Variants in LOC128462377 observed in about 807,000 individuals in gnomAD.
At chr16:89,388,592 G>T in the LOC128462377 span, among the ~76,000 whole-genome samples, 1 of 152,182 alleles carries the variant, frequency 6.6e-6, no homozygotes, top group Non-Finnish European at 1.5e-5. Flanking sequence ...CTGGGAATAA[G>T]GATCACTGGA....
At chr16:89,330,636 A>G in the LOC128462377 span, among the ~76,000 whole-genome samples, 2 of 102,676 alleles carry the variant, frequency 1.9e-5, no homozygotes, top group Admixed American at 2.8e-4. Flanking sequence ...ACACGGCAGT[A>G]GGTTTCCCCA....
the LOC128462377 span, among the ~76,000 whole-genome samples, chr16:89,378,873 T>G: frequency 2.3e-5 from 3 of 128,084 alleles, no homozygotes; most frequent in Admixed American, 7.9e-5. Flanking sequence ...TGGGGCGAGG[T>G]GGGGAAGGGC....
chr16:89,324,226 TG>T, the LOC128462377 span: 31 of 1,197,092 alleles, frequency 2.6e-5, no homozygotes, highest in Middle Eastern at 2.4e-4. Flanking sequence ...GCCTCTGCTT[TG>T]CCCCTCAGAC....
chr16:89,331,127 T>C, the LOC128462377 span, among the ~76,000 whole-genome samples: 1 of 152,080 alleles, frequency 6.6e-6, no homozygotes. Flanking sequence ...CTAATTTTTC[T>C]ATTTTGAGGA....
At chr16:89,331,866 C>A in the LOC128462377 span, among the ~76,000 whole-genome samples, 1 of 150,870 alleles carries the variant, frequency 6.6e-6, no homozygotes, top group Non-Finnish European at 1.5e-5. Flanking sequence ...GGTGTGGACT[C>A]GGGTTTGGTT....
the LOC128462377 span, among the ~76,000 whole-genome samples, chr16:89,374,983 C>T: frequency 6.6e-6 from 1 of 152,052 alleles, no homozygotes; most frequent in African/African-American, 2.4e-5. Context: ...AGATATTAGT[C>T]TATCATTTCC....
At chr16:89,369,867 G>C in the LOC128462377 span, among the ~76,000 whole-genome samples, 2 of 152,214 alleles carry the variant, frequency 1.3e-5, no homozygotes, top group Admixed American at 6.5e-5. Context: ...ACAAGGGACT[G>C]CTCCCTGTTC....
the LOC128462377 span, among the ~76,000 whole-genome samples, chr16:89,345,473 G>A: frequency 6.6e-6 from 1 of 152,184 alleles, no homozygotes; most frequent in Non-Finnish European, 1.5e-5. Flanking sequence ...GAAGGACGAA[G>A]CCCCAAGCAC....
At chr16:89,328,342 G>A in the LOC128462377 span, among the ~76,000 whole-genome samples, 1 of 152,186 alleles carries the variant, frequency 6.6e-6, no homozygotes, top group Non-Finnish European at 1.5e-5. Flanking sequence ...TGCACCCCAG[G>A]ACATTTATCT....
At chr16:89,397,456 G>C in the LOC128462377 span, among the ~76,000 whole-genome samples, 2 of 152,364 alleles carry the variant, frequency 1.3e-5, no homozygotes, top group African/African-American at 4.8e-5. Flanking sequence ...CAGCCACACA[G>C]GGGGACCCAC....
the LOC128462377 span, chr16:89,323,306 A>C: frequency 7.8e-7 from 1 of 1,288,784 alleles, no homozygotes; most frequent in Non-Finnish European, 1.0e-6. Context: ...GACACACCCT[A>C]TGACCCACAG....
At chr16:89,375,326 G>T in the LOC128462377 span, among the ~76,000 whole-genome samples, 1 of 152,174 alleles carries the variant, frequency 6.6e-6, no homozygotes, top group Non-Finnish European at 1.5e-5. Context: ...CGGTAGCATG[G>T]GCCTGGAGTC....
the LOC128462377 span, among the ~76,000 whole-genome samples, chr16:89,387,612 G>C: frequency 3.3e-5 from 5 of 149,854 alleles, no homozygotes; most frequent in African/African-American, 1.2e-4. Flanking sequence ...GGCAGAGCTT[G>C]CAGTGAGCCG....
At chr16:89,349,970 C>G in the LOC128462377 span, among the ~76,000 whole-genome samples, 1 of 151,052 alleles carries the variant, frequency 6.6e-6, no homozygotes, top group Non-Finnish European at 1.5e-5. Context: ...AAAGAACTCT[C>G]AAAAATCAGC....
chr16:89,318,269 C>G, the LOC128462377 span, among the ~76,000 whole-genome samples: 1 of 152,218 alleles, frequency 6.6e-6, no homozygotes, highest in Admixed American at 6.5e-5. Flanking sequence ...TGTGGGCCTT[C>G]TAGGTTTGTT....
the LOC128462377 span, chr16:89,323,190 C>T: frequency 1.5e-6 from 1 of 684,664 alleles, no homozygotes; most frequent in Non-Finnish European, 2.2e-6. Flanking sequence ...GCACACCTCA[C>T]AGGGAGAGAA....
chr16:89,326,986 C>T, the LOC128462377 span, among the ~76,000 whole-genome samples: 8,523 of 150,740 alleles, frequency 0.057, 351 homozygotes, highest in Middle Eastern at 0.11. Context: ...CTGGGCAATG[C>T]AGAGGTGGGG....
the LOC128462377 span, among the ~76,000 whole-genome samples, chr16:89,404,364 G>A: frequency 6.6e-6 from 1 of 152,092 alleles, no homozygotes; most frequent in Non-Finnish European, 1.5e-5. Context: ...TGTAATCAAA[G>A]GGCATGAAAA....
chr16:89,349,291 G>T, the LOC128462377 span, among the ~76,000 whole-genome samples: 1 of 151,890 alleles, frequency 6.6e-6, no homozygotes, highest in East Asian at 1.9e-4. Context: ...CACTTTGGGA[G>T]AACACGGTGA....
Sources: gnomAD v4.1 joint callset for allele counts (sites outside exome capture counted in the v4.1 genomes callset) on GRCh38, gnomAD v4.1.1 for gene constraint, MANE v1.5 for transcripts.